MYOM1: variants seen among roughly 807,000 people sequenced by gnomAD.
The protein encoded by MYOM1 is myomesin 1, also known as myomesin-1.
MYOM1 carries 164 observed loss-of-function variants against 205.3 expected under a neutral mutation model. The ratio of observed to expected loss-of-function variants is 0.80; its 90% CI spans 0.70 to 0.91. The LOEUF is 0.91. Ranked by LOEUF, MYOM1 falls within the 40% of genes least tolerant of loss-of-function variation. The pLI, the probability that MYOM1 is intolerant of heterozygous loss-of-function variation, is 0.00. For missense variants in MYOM1, 2,011 were observed against 2,127.3 expected (o/e 0.95, Z 1.08); for synonymous variants, 772 against 789.4 (o/e 0.98, Z 0.37).
chr18:3,198,261 A>G (rs572589190), intron 2 of MYOM1, among the ~76,000 whole-genome samples: 1 of 152,314 alleles, frequency 6.6e-6, no homozygotes, highest in Admixed American at 6.5e-5. Flanking sequence ...ACAGCCTATC[A>G]GCACGTTTCA....
chr18:3,079,565 C>A (rs2079061229), intron 33 of MYOM1, among the ~76,000 whole-genome samples: 1 of 151,822 alleles, frequency 6.6e-6, no homozygotes, highest in African/African-American at 2.4e-5. Flanking sequence ...TTGTTAATAA[C>A]TCCTCATAGC....
Position 3,192,228 on chromosome 18 carries a change from C to T in MYOM1, c.431+1590G>A, listed in dbSNP as rs78489340. Among the ~76,000 whole-genome samples, 545 of 152,122 alleles carry T rather than the reference C, an allele frequency of 3.6e-3. 4 individuals are homozygous for T. The highest frequency in any genetic ancestry group is 6.3e-3 in the Non-Finnish European group (429 of 68,002). On this transcript the variant is annotated intron_variant, in intron 3 of 37. Coordinates refer to ENST00000356443, the MANE Select transcript of MYOM1 (RefSeq NM_003803.4). Reference sequence around the variant, plus strand: ...AAATACTGGAGACAAAAGATTTTACCGCTCTAGCCTACCATCTCTTATAAG... The same window carrying T: ...AAATACTGGAGACAAAAGATTTTACTGCTCTAGCCTACCATCTCTTATAAG...
chr18:3,129,730 G>A, intron 17 of MYOM1: 1 of 477,888 alleles, frequency 2.1e-6, no homozygotes, highest in Non-Finnish European at 3.6e-6. Context: ...CCCGTATTCT[G>A]GAAAAAGAAG....
chr18:3,067,780 A>G lies in MYOM1; in HGVS notation c.4765-225T>C, dbSNP rs113824052. Among the ~76,000 whole-genome samples, 517 of 152,302 alleles carry G rather than the reference A, an allele frequency of 3.4e-3. 3 individuals carry two copies. Among genetic ancestry groups the G allele is most frequent in the African/African-American group, 0.012 (498 of 41,576 alleles). ...CCTTTTAATGCTCCTCAAGGCCTTT[A>G]TATGCTTTCTGGCTTCTGGAATGCT... On this transcript the variant is annotated intron_variant, in intron 37 of 37. Transcript: ENST00000356443.
At chr18:3,239,006 A>G in the MYOM1 span, among the ~76,000 whole-genome samples, 18 of 152,222 alleles carry the variant, frequency 1.2e-4, no homozygotes, top group Admixed American at 1.2e-3. Flanking sequence ...AGATCAGCTC[A>G]TTATTAACCT....
chr18:3,214,871 G>T, intron 2 of MYOM1, 63 bp downstream of exon 2: 1 of 1,482,214 alleles, frequency 6.7e-7, no homozygotes, highest in Non-Finnish European at 9.0e-7. Context: ...GTAACTGGGA[G>T]GGTTACTCAG....
intron 21 of MYOM1, among the ~76,000 whole-genome samples, chr18:3,113,477 T>G (rs2143807038): frequency 6.7e-6 from 1 of 148,412 alleles, no homozygotes; most frequent in African/African-American, 2.5e-5. Flanking sequence ...CACAGACATG[T>G]GCCAGCACAC....
intron 33 of MYOM1, among the ~76,000 whole-genome samples, chr18:3,081,644 ATATAT>A (rs1254035770): frequency 6.6e-6 from 1 of 152,192 alleles, no homozygotes; most frequent in Non-Finnish European, 1.5e-5. Flanking sequence ...CTTCAGACTG[ATATAT>A]TAGAATGTCC....
upstream of MYOM1, among the ~76,000 whole-genome samples, chr18:3,223,134 G>A (rs9949484): frequency 0.09 from 13,767 of 152,186 alleles, 705 homozygotes; most frequent in African/African-American, 0.14. Flanking sequence ...GCCTGCCTTG[G>A]CCTCCCAAAG....
rs1383590955 is a variant in MYOM1, at chr18:3,139,101, G to A, written c.2025+2838C>T. ...TCGAGATCAGCCTGGGCAACATAGG[G>A]AGACCCCATCTCTACAAAACACTTA... is the stretch of plus-strand genomic sequence containing the variant. On this transcript the variant is annotated intron_variant, in intron 14 of 37. Transcript: ENST00000356443. Among the ~76,000 whole-genome samples the A allele has an allele frequency of 2.6e-5, 4 of 152,160 alleles. No individual in the cohort carries two copies. The East Asian group carries it at 5.8e-4, about 22-fold the overall frequency.
At position 3,071,156 on chromosome 18, in the gene MYOM1, G is replaced by T. The variant is rs139423129; in HGVS notation, c.4764+678C>A. Reference sequence around the variant, plus strand: ...GAAGCCTGTTTTCAACAGAACTAGAGCCTATAGAAATTTTCATATTCCACT... The same window carrying T: ...GAAGCCTGTTTTCAACAGAACTAGATCCTATAGAAATTTTCATATTCCACT... On this transcript the variant is annotated intron_variant, in intron 37 of 37. Coordinates refer to ENST00000356443, the MANE Select transcript of MYOM1 (RefSeq NM_003803.4). Among the ~76,000 whole-genome samples, 216 of 152,196 alleles carry T rather than the reference G, an allele frequency of 1.4e-3. 2 individuals carry two copies. Among genetic ancestry groups the T allele is most frequent in the African/African-American group, 4.8e-3 (198 of 41,518 alleles).
intron 20 of MYOM1, 31 bp from the exon 21 acceptor site, chr18:3,116,546 T>C: frequency 6.7e-7 from 1 of 1,485,602 alleles, no homozygotes; most frequent in Non-Finnish European, 9.0e-7. Context: ...TGAGTAGAAA[T>C]CATAACAGAG....
At chr18:3,187,376 G>A (rs2080831895) in intron 5 of MYOM1, 104 bp downstream of exon 5, 5 of 1,256,794 alleles carry the variant, frequency 4.0e-6, no homozygotes, top group African/African-American at 3.0e-5. Context: ...CAATCTTGTA[G>A]ATGTCTTCAT....
Position 3,131,513 on chromosome 18 carries a change from T to C in MYOM1, c.2385-17A>G. On this transcript the variant is annotated splice_polypyrimidine_tract_variant and intron_variant, in intron 16 of 37. Coordinates refer to ENST00000356443, the MANE Select transcript of MYOM1 (RefSeq NM_003803.4). ...CAAGTGAATCTAAAAGGAAAACAAG[T>C]TTTAAAAAATTTTCCTAGGAGGAAG... The C allele has an allele frequency of 1.9e-6, 3 of 1,605,664 alleles. No individual in the cohort carries two copies. In the South Asian group the frequency reaches 3.3e-5, roughly 18 times the overall value.
chr18:3,072,054 A>ATT lies in MYOM1; in HGVS notation c.4709-167_4709-166dup, dbSNP rs202209077. Among the ~76,000 whole-genome samples, 222 of 145,524 alleles carry ATT rather than the reference A, an allele frequency of 1.5e-3. 1 individual carries two copies. The highest frequency in any genetic ancestry group is 4.7e-3 in the African/African-American group (189 of 39,800). Reference sequence around the variant, plus strand: ...AAAGAAAATGATCCAGGGATTCAGGATTTTTTTTTTTTTTGAGACAGAGTC... The same window carrying ATT: ...AAAGAAAATGATCCAGGGATTCAGGATTTTTTTTTTTTTTTTGAGACAGAGTC... On this transcript the variant is annotated intron_variant, in intron 36 of 37. Coordinates refer to ENST00000356443, the MANE Select transcript of MYOM1 (RefSeq NM_003803.4).
chr18:3,232,566 G>A, the MYOM1 span, among the ~76,000 whole-genome samples: 5 of 152,102 alleles, frequency 3.3e-5, no homozygotes, highest in African/African-American at 1.2e-4. Flanking sequence ...GTGTATACAT[G>A]TATTAAAATT....
intron 2 of MYOM1, among the ~76,000 whole-genome samples, chr18:3,194,278 T>C (rs551958677): frequency 2.0e-5 from 3 of 152,358 alleles, no homozygotes; most frequent in African/African-American, 7.2e-5. Flanking sequence ...AATGTCATGT[T>C]GGAAATTTAG....
At chr18:3,216,589 C>T (rs2144266633) in intron 1 of MYOM1, among the ~76,000 whole-genome samples, 1 of 152,244 alleles carries the variant, frequency 6.6e-6, no homozygotes, top group Admixed American at 6.5e-5. Flanking sequence ...TATTGTGCTC[C>T]AGGAACCACT....
chr18:3,203,446 A>T (rs576715701), intron 2 of MYOM1, among the ~76,000 whole-genome samples: 31 of 151,962 alleles, frequency 2.0e-4, no homozygotes, highest in Non-Finnish European at 3.8e-4. Context: ...GAAAGAGGAG[A>T]CATCACTAAC....
Sources: allele counts gnomAD v4.1 joint callset (sites outside exome capture counted in the v4.1 genomes callset), GRCh38; gene constraint gnomAD v4.1.1; transcripts MANE v1.5; gene names NCBI Gene and HGNC (gene_info 2026-07-23, HGNC 2026-07-21).